Variants in DISP1 observed in about 807,000 individuals in gnomAD.
The protein encoded by DISP1 is protein dispatched homolog 1.
A neutral mutation model predicts 37.3 loss-of-function variants in DISP1; 30 were observed. That is an observed-to-expected ratio of 0.80 (90% CI 0.60 to 1.09). DISP1 has a LOEUF of 1.09. DISP1 is among the 50% of genes least tolerant of loss of function. DISP1 has a pLI of 0.00. For missense variants in DISP1, 1,598 were observed against 1,879.5 expected, an observed-to-expected ratio of 0.85 and a Z score of 2.77; for synonymous variants, 634 against 690.2, an observed-to-expected ratio of 0.92 and a Z score of 1.28.
At chr1:222,940,142 GAAAAA>G (rs901055746) in intron 2 of DISP1, among the ~76,000 whole-genome samples, 1 of 149,848 alleles carries the variant, frequency 6.7e-6, no homozygotes, top group Admixed American at 6.7e-5. Context: ...AAAAAGAAAA[GAAAAA>G]AAAATAACCT....
In DISP1 at chr1:223,004,063, G is replaced by T; in HGVS notation, c.2666G>T (p.Cys889Phe). The T allele has an allele frequency of 6.2e-7, 1 of 1,614,152 alleles. No individual in the cohort carries two copies. The highest frequency in any genetic ancestry group is 8.5e-7 in the Non-Finnish European group (1 of 1,180,028). Residue 889 changes from cysteine to phenylalanine, a missense_variant, in exon 9 of 9, where the codon TGC (cysteine) becomes TTC (phenylalanine). By Grantham distance (205) the Cys-to-Phe change is radical. Coordinates refer to ENST00000675850, the MANE Select transcript of DISP1 (RefSeq NM_001377229.1). The surrounding 1 kb of genome is among the most constrained non-coding windows in gnomAD (Gnocchi z 4.9). ...FPYKQEIFEL[C>F]IKRAIMELER... is the part of the protein sequence containing the mutation. The stretch of plus-strand genomic sequence containing the variant: ...TACAAGCAAGAGATTTTTGAACTGT[G>T]CATCAAGAGAGCTATCATGGAGCTG...
rs201633204 is a variant in DISP1, at chr1:222,984,458, AGC to A, written c.539+1351_539+1352del. Among the ~76,000 whole-genome samples the A allele has an allele frequency of 6.6e-3, 926 of 140,930 alleles. 37 individuals are homozygous for A. The highest frequency in any genetic ancestry group is 0.023 in the African/African-American group (869 of 37,420). 92.5% of individuals were successfully genotyped at this position (140,930 alleles called of 152,430 possible). A position where few individuals can be genotyped will look rare whatever the true frequency, so the allele number is the denominator to read the frequency against. ...TATAGAGAGAGAGAGAGAGAGAGAG[AGC>A]GTACTCATATATGTTATATATAACA... On this transcript the variant is annotated intron_variant, in intron 4 of 8. Transcript: ENST00000675850.
At chr1:222,950,396 C>T (rs534264946) in intron 3 of DISP1, among the ~76,000 whole-genome samples, 9 of 152,188 alleles carry the variant, frequency 5.9e-5, no homozygotes, top group Admixed American at 2.0e-4. Flanking sequence ...GTCAGGAGAT[C>T]GAGACCGTCC....
intron 8 of DISP1, among the ~76,000 whole-genome samples, chr1:223,000,856 A>G (rs1384740518): frequency 2.0e-5 from 3 of 152,162 alleles, no homozygotes; most frequent in African/African-American, 4.8e-5. Flanking sequence ...AGCCAGTTTA[A>G]TCAAGGTAAA....
chr1:222,873,505 A>G (rs1279715828), intron 1 of DISP1, among the ~76,000 whole-genome samples: 4 of 152,170 alleles, frequency 2.6e-5, no homozygotes, highest in Non-Finnish European at 4.4e-5. Context: ...TTCTTGTTGA[A>G]TTGATCCCTT....
intron 1 of DISP1, among the ~76,000 whole-genome samples, chr1:222,863,015 A>T (rs1668973207): frequency 6.6e-6 from 1 of 152,044 alleles, no homozygotes; most frequent in Non-Finnish European, 1.5e-5. Context: ...GAATATTCCT[A>T]GTTTGGGTTT....
At chr1:222,997,329 C>G (rs1437057843) in intron 8 of DISP1, among the ~76,000 whole-genome samples, 2 of 152,108 alleles carry the variant, frequency 1.3e-5, no homozygotes, top group Non-Finnish European at 2.9e-5. Flanking sequence ...GATTCACAAT[C>G]AGTAACAAAA....
intron 1 of DISP1, among the ~76,000 whole-genome samples, chr1:222,864,868 C>A (rs987028703): frequency 1.3e-5 from 2 of 152,130 alleles, no homozygotes; most frequent in Non-Finnish European, 2.9e-5. Context: ...CTAGAAATTT[C>A]TGATAACCTT....
chr1:222,975,346 TGTG>T (rs1558062749), intron 3 of DISP1, among the ~76,000 whole-genome samples: 1 of 152,116 alleles, frequency 6.6e-6, no homozygotes, highest in Admixed American at 6.5e-5. Context: ...CTTTGTAAGT[TGTG>T]GTGTTAATTC....
At position 222,942,909 on chromosome 1, in the gene DISP1, C is replaced by A. The variant is rs756499874; in HGVS notation, c.86C>A (p.Thr29Asn). The A allele has an allele frequency of 1.2e-6, 2 of 1,614,110 alleles. No homozygotes were observed. Among genetic ancestry groups the A allele is most frequent in the Non-Finnish European group, 8.5e-7 (1 of 1,179,990 alleles). The change falls in exon 3 of 9, where the codon ACC becomes AAC. Residue 29 changes from threonine to asparagine, a missense_variant. By Grantham distance (65) the Thr-to-Asn change is moderately conservative. Coordinates refer to ENST00000675850, the MANE Select transcript of DISP1 (RefSeq NM_001377229.1). ...ATSAANPSPL[T>N]PCDGDHAAQQ... ...AGTGCTGCTAACCCGAGTCCCCTCA[C>A]CCCCTGTGATGGAGACCATGCAGCC...
chr1:222,955,416 A>G (rs1315515967), intron 3 of DISP1, among the ~76,000 whole-genome samples: 1 of 152,140 alleles, frequency 6.6e-6, no homozygotes, highest in Admixed American at 6.5e-5. Context: ...ATAGTCTGCA[A>G]CTTAGGGTTT....
intron 1 of DISP1, among the ~76,000 whole-genome samples, chr1:222,873,278 G>A (rs143783433): frequency 6.6e-6 from 1 of 152,066 alleles, no homozygotes; most frequent in Non-Finnish European, 1.5e-5. Flanking sequence ...GTTCTGTAGA[G>A]GTTTATTAGG....
At chr1:222,927,151 C>G (rs1489271338) in intron 1 of DISP1, among the ~76,000 whole-genome samples, 3 of 151,450 alleles carry the variant, frequency 2.0e-5, no homozygotes, top group African/African-American at 7.3e-5. Context: ...GTTACATTCC[C>G]GCTAGCAGTG....
intron 1 of DISP1, among the ~76,000 whole-genome samples, chr1:222,827,791 AT>A: frequency 6.6e-6 from 1 of 152,312 alleles, no homozygotes; most frequent in East Asian, 1.9e-4. Flanking sequence ...ATCTAAACAT[AT>A]TTAAGCAAAG....
At chr1:222,860,085 T>G (rs1448283446) in intron 1 of DISP1, among the ~76,000 whole-genome samples, 1 of 152,252 alleles carries the variant, frequency 6.6e-6, no homozygotes, top group African/African-American at 2.4e-5. Flanking sequence ...AGATGGAGTT[T>G]TGCTCTTGTT....
intron 1 of DISP1, among the ~76,000 whole-genome samples, chr1:222,823,096 C>T (rs761882749): frequency 1.3e-5 from 2 of 152,128 alleles, no homozygotes; most frequent in Non-Finnish European, 2.9e-5. Context: ...TAAATTAGTA[C>T]AAATTATTTG....
rs1185802558 is a variant in DISP1, at chr1:222,893,670, G to A, written c.-158-34760G>A. 6.6e-6 allele frequency among the ~76,000 whole-genome samples: 1 copy of A among 152,244 alleles called. No individual in the cohort carries two copies. Among genetic ancestry groups the A allele is most frequent in the Non-Finnish European group, 1.5e-5 (1 of 68,048 alleles). On this transcript the variant is annotated intron_variant, in intron 1 of 8. Coordinates refer to ENST00000675850, the MANE Select transcript of DISP1 (RefSeq NM_001377229.1). The surrounding 1 kb of genome is among the most constrained non-coding windows in gnomAD (Gnocchi z 4.3). ...GCACCCATGTCTGGATGAGGGGAAT[G>A]TGGTGGTGCCTGGAAGCTTGGAGAT... is the stretch of plus-strand genomic sequence containing the variant.
rs1214104947 is a variant in DISP1 at position 222,819,551 on chromosome 1, T to TA, written c.-159+4473_-159+4474insA. Among the ~76,000 whole-genome samples, 8 of 149,708 alleles carry TA rather than the reference T, an allele frequency of 5.3e-5. No individual in the cohort carries two copies. In the East Asian group the frequency reaches 5.9e-4, roughly 11 times the overall value. On this transcript the variant is annotated intron_variant, in intron 1 of 8. Transcript: ENST00000675850. The stretch of plus-strand genomic sequence containing the variant: ...ACACACACATATCTTTTTTTTTTTT[T>TA]TTTTTTGACACAGTGTCTCGCTGTG...
intron 8 of DISP1, among the ~76,000 whole-genome samples, chr1:222,997,054 A>C (rs188065460): frequency 0.05 from 7,517 of 149,668 alleles, 191 homozygotes; most frequent in Admixed American, 0.061. Flanking sequence ...CTCTCTCTAT[A>C]TATATATATA....
Sources: allele counts gnomAD v4.1 joint callset (sites outside exome capture counted in the v4.1 genomes callset), GRCh38; gene constraint gnomAD v4.1.1; non-coding constraint Gnocchi (gnomAD v3.1); transcripts MANE v1.5; gene names NCBI Gene and HGNC (gene_info 2026-07-23, HGNC 2026-07-21).